ST6GALNAC3: variants seen among roughly 807,000 people sequenced by gnomAD.
ST6GALNAC3 encodes the protein alpha-N-acetylgalactosaminide alpha-2,6-sialyltransferase 3.
ST6GALNAC3 carries 25 observed loss-of-function variants against 32.7 expected under a neutral mutation model. That is an observed-to-expected ratio of 0.76 (90% CI 0.56 to 1.07). The LOEUF is 1.07. ST6GALNAC3 is among the 50% of genes least tolerant of loss of function. ST6GALNAC3 has a pLI of 0.00. For synonymous variants in ST6GALNAC3, 129 were observed against 133.1 expected, an observed-to-expected ratio of 0.97 and a Z score of 0.21; for missense variants, 355 against 382.4, an observed-to-expected ratio of 0.93 and a Z score of 0.60.
intron 1 of ST6GALNAC3, among the ~76,000 whole-genome samples, chr1:76,269,183 C>T (rs1003653239): frequency 6.6e-6 from 1 of 152,184 alleles, no homozygotes; most frequent in African/African-American, 2.4e-5. Flanking sequence ...ACCCTACTCA[C>T]GGCTCTATCT....
intron 3 of ST6GALNAC3, among the ~76,000 whole-genome samples, chr1:76,591,149 A>G: frequency 6.6e-6 from 1 of 151,798 alleles, no homozygotes; most frequent in East Asian, 1.9e-4. Context: ...GAGATATGAA[A>G]GATTGGTAAG....
At chr1:76,194,402 T>C (rs1300892678) in intron 1 of ST6GALNAC3, among the ~76,000 whole-genome samples, 3 of 152,156 alleles carry the variant, frequency 2.0e-5, no homozygotes. Context: ...AAAGCTTTTG[T>C]TTATGTAAGT....
intron 2 of ST6GALNAC3, among the ~76,000 whole-genome samples, chr1:76,334,136 CTTG>C (rs71786237): frequency 0.18 from 27,530 of 151,990 alleles, 3,334 homozygotes; most frequent in African/African-American, 0.35. Context: ...CTTAATTTTA[CTTG>C]TTGTAAAAAT....
In ST6GALNAC3 at chr1:76,156,964, C is replaced by T. The variant is rs927658529; in HGVS notation, c.18+82080C>T. Among the ~76,000 whole-genome samples the T allele has an allele frequency of 4.6e-5, 7 of 152,324 alleles. No individual in the cohort carries two copies. The East Asian group carries it at 1.4e-3, about 29-fold the overall frequency. On this transcript the variant is annotated intron_variant, in intron 1 of 4. Coordinates refer to ENST00000328299, the MANE Select transcript of ST6GALNAC3 (RefSeq NM_152996.4). ...GCCAGGATGGTCTCAATCTTCTGAC[C>T]TCGTGATCTGCCCGCCTTGGCCTCC...
intron 1 of ST6GALNAC3, among the ~76,000 whole-genome samples, chr1:76,129,427 C>T (rs556720154): frequency 7.9e-5 from 12 of 152,304 alleles, no homozygotes; most frequent in Admixed American, 2.6e-4. Context: ...ACTCAGGATT[C>T]TCCAGTGTGG....
intron 1 of ST6GALNAC3, among the ~76,000 whole-genome samples, chr1:76,270,601 G>T (rs1269610132): frequency 2.0e-5 from 3 of 150,704 alleles, no homozygotes; most frequent in Non-Finnish European, 1.5e-5. Context: ...GTTTCATTTG[G>T]TTGCTACCCA....
At chr1:76,453,440 G>A (rs1017958211) in intron 3 of ST6GALNAC3, among the ~76,000 whole-genome samples, 21 of 152,040 alleles carry the variant, frequency 1.4e-4, no homozygotes, top group African/African-American at 3.9e-4. Context: ...TCTTGGCACC[G>A]CCTTTGCTGT....
At chr1:76,315,311 A>G (rs1178900868) in intron 2 of ST6GALNAC3, among the ~76,000 whole-genome samples, 1 of 152,128 alleles carries the variant, frequency 6.6e-6, no homozygotes, top group Admixed American at 6.6e-5. Context: ...ACTCTACTGT[A>G]TGGTGTTAAT....
intron 1 of ST6GALNAC3, among the ~76,000 whole-genome samples, chr1:76,233,833 C>A (rs929463653): frequency 6.6e-6 from 1 of 152,088 alleles, no homozygotes; most frequent in Non-Finnish European, 1.5e-5. Flanking sequence ...TTACTTTTAA[C>A]AACAACCATA....
intron 1 of ST6GALNAC3, among the ~76,000 whole-genome samples, chr1:76,172,565 C>T (rs926164234): frequency 1.4e-5 from 2 of 146,702 alleles, no homozygotes; most frequent in African/African-American, 5.0e-5. Context: ...TTACAGATGA[C>T]AAGATTTTAT....
At chr1:76,597,791 T>C (rs935094012) in intron 3 of ST6GALNAC3, among the ~76,000 whole-genome samples, 2 of 152,096 alleles carry the variant, frequency 1.3e-5, no homozygotes, top group African/African-American at 4.8e-5. Flanking sequence ...AAGCTGGAAT[T>C]GGAGCTCTGG....
intron 1 of ST6GALNAC3, among the ~76,000 whole-genome samples, chr1:76,077,020 G>A (rs1273147007): frequency 6.6e-6 from 1 of 152,112 alleles, no homozygotes; most frequent in African/African-American, 2.4e-5. Flanking sequence ...CCCCTTCTCT[G>A]GTCATGGTCT....
At chr1:76,311,541 C>T (rs61771476) in intron 1 of ST6GALNAC3, among the ~76,000 whole-genome samples, 13,622 of 152,040 alleles carry the variant, frequency 0.09, 715 homozygotes, top group Middle Eastern at 0.16. Context: ...TTTGGTTTTC[C>T]GTTCCCATGT....
intron 1 of ST6GALNAC3, among the ~76,000 whole-genome samples, chr1:76,192,775 C>T (rs923246): frequency 0.82 from 125,335 of 152,128 alleles, 52,320 homozygotes; most frequent in East Asian, 1. Flanking sequence ...GACTGGAATC[C>T]ACTTTCATAG....
intron 3 of ST6GALNAC3, chr1:76,577,334 C>G (rs1646827495): frequency 2.0e-6 from 2 of 987,160 alleles, no homozygotes; most frequent in Middle Eastern, 5.2e-4. Context: ...CCTCTTTCTG[C>G]TTGGAAGGTA....
At chr1:76,147,342 C>T (rs1040051692) in intron 1 of ST6GALNAC3, among the ~76,000 whole-genome samples, 2 of 152,156 alleles carry the variant, frequency 1.3e-5, no homozygotes, top group Non-Finnish European at 2.9e-5. Context: ...GGATTACAGG[C>T]GTGAGCTGCT....
rs1649190917 is a variant in ST6GALNAC3 at position 76,629,676 on chromosome 1, T to C, written c.*870T>C. On this transcript the variant is annotated 3_prime_UTR_variant, in exon 5 of 5. Transcript: ENST00000328299. ...ACATTCCTAAAAAGTAACCAAAGGG[T>C]TTGCTAACTCTGCTTCAACATCCAA... The C allele has an allele frequency of 2.0e-6, 2 of 985,284 alleles. No homozygotes were observed. The highest frequency in any genetic ancestry group is 1.1e-4 in the East Asian group (1 of 8,820). 61.0% of individuals were successfully genotyped at this position (985,284 alleles called of 1,614,324 possible).
At chr1:76,566,929 A>C (rs900029571) in intron 3 of ST6GALNAC3, among the ~76,000 whole-genome samples, 1 of 152,156 alleles carries the variant, frequency 6.6e-6, no homozygotes, top group Non-Finnish European at 1.5e-5. Flanking sequence ...ACCATTGAAA[A>C]TTCCACATCC....
At chr1:76,592,555 G>T (rs568128422) in intron 3 of ST6GALNAC3, among the ~76,000 whole-genome samples, 35 of 148,492 alleles carry the variant, frequency 2.4e-4, no homozygotes, top group African/African-American at 8.2e-4. Context: ...TCATAAAATT[G>T]CTTCCCAGGA....
Sources: gnomAD v4.1 joint callset for allele counts (sites outside exome capture counted in the v4.1 genomes callset) on GRCh38, gnomAD v4.1.1 for gene constraint, MANE v1.5 for transcripts, NCBI Gene and HGNC (gene_info 2026-07-23, HGNC 2026-07-21) for gene names.